The following PTPRK variants were observed in gnomAD, a reference collection of about 807,000 sequenced individuals.
PTPRK encodes the protein receptor-type tyrosine-protein phosphatase kappa.
In PTPRK, 75 loss-of-function variants were observed where a neutral mutation model predicts 178.0. That is an observed-to-expected ratio of 0.42 (90% CI 0.35 to 0.51). The LOEUF (loss-of-function observed/expected upper bound fraction) is 0.51. Ranked by LOEUF, PTPRK falls within the 20% of genes least tolerant of loss-of-function variation. The probability of loss-of-function intolerance (pLI) is 0.02; values close to 1 mark genes in which losing one functional copy is unlikely to be tolerated. For missense variants in PTPRK, 1,441 were observed against 1,797.8 expected (o/e 0.80, Z 3.59); for synonymous variants, 637 against 620.6 (o/e 1.03, Z -0.39).
chr6:128,065,097 A>T (rs1445262292), intron 12 of PTPRK, among the ~76,000 whole-genome samples: 3 of 152,190 alleles, frequency 2.0e-5, no homozygotes, highest in Non-Finnish European at 4.4e-5. Context: ...AGTGCTTCGT[A>T]AACTATCAGA....
intron 4 of PTPRK, chr6:128,241,154 A>C (rs112630679): frequency 2.1e-6 from 1 of 483,276 alleles, no homozygotes. Context: ...CTTTTCTTAG[A>C]ATTTACCAAC....
At chr6:128,124,645 GTTA>G in intron 7 of PTPRK, among the ~76,000 whole-genome samples, 1 of 152,046 alleles carries the variant, frequency 6.6e-6, no homozygotes, top group East Asian at 1.9e-4. Context: ...TTCTGGGATG[GTTA>G]TTATTTTTTT....
chr6:128,294,364 T>C (rs922549395), intron 3 of PTPRK, among the ~76,000 whole-genome samples: 2 of 152,056 alleles, frequency 1.3e-5, no homozygotes, highest in Non-Finnish European at 2.9e-5. Context: ...GAATGATGCA[T>C]AAAGGAGTCC....
intron 11 of PTPRK, among the ~76,000 whole-genome samples, chr6:128,075,378 G>A (rs112732696): frequency 4.9e-4 from 10 of 20,218 alleles, no homozygotes; most frequent in Non-Finnish European, 1.4e-3. Flanking sequence ...TTTGCTCCCT[G>A]TTTTGTCTCT....
intron 18 of PTPRK, among the ~76,000 whole-genome samples, chr6:127,994,490 G>A (rs1414874222): frequency 1.3e-5 from 2 of 151,756 alleles, no homozygotes; most frequent in Non-Finnish European, 3.0e-5. Flanking sequence ...AAGTGATGAG[G>A]TTAGTACTGT....
chr6:128,470,756 T>G (rs1459857278), intron 1 of PTPRK, among the ~76,000 whole-genome samples: 1 of 150,246 alleles, frequency 6.7e-6, no homozygotes, highest in African/African-American at 2.4e-5. Context: ...TCTCTTTTTT[T>G]TTTTTTTTTT....
At chr6:128,414,323 G>A (rs1484443855) in intron 1 of PTPRK, among the ~76,000 whole-genome samples, 1 of 152,152 alleles carries the variant, frequency 6.6e-6, no homozygotes, top group Non-Finnish European at 1.5e-5. Context: ...CAGACTCATA[G>A]TAAATGATGA....
At chr6:128,191,992 C>G (rs1304257628) in intron 6 of PTPRK, among the ~76,000 whole-genome samples, 1 of 152,026 alleles carries the variant, frequency 6.6e-6, no homozygotes, top group Non-Finnish European at 1.5e-5. Flanking sequence ...TGTGACTACA[C>G]GAATTGCTCA....
At chr6:128,223,945 T>C (rs983894745) in intron 5 of PTPRK, among the ~76,000 whole-genome samples, 3 of 152,212 alleles carry the variant, frequency 2.0e-5, no homozygotes, top group Non-Finnish European at 4.4e-5. Context: ...CAAGGCATCG[T>C]TCCAATGGGC....
At chr6:128,303,029 C>T (rs764055890) in intron 3 of PTPRK, among the ~76,000 whole-genome samples, 14 of 152,092 alleles carry the variant, frequency 9.2e-5, no homozygotes, top group Non-Finnish European at 1.6e-4. Flanking sequence ...AATGGCATCA[C>T]GATTCACTAC....
intron 3 of PTPRK, 86 bp downstream of exon 3, chr6:128,321,953 T>G: frequency 1.8e-5 from 28 of 1,556,270 alleles, no homozygotes; most frequent in Non-Finnish European, 2.2e-5. Flanking sequence ...CTCATTACCA[T>G]GAGATGCATA....
chr6:128,168,625 T>C (rs1279167295), intron 7 of PTPRK, among the ~76,000 whole-genome samples: 1 of 152,034 alleles, frequency 6.6e-6, no homozygotes, highest in Non-Finnish European at 1.5e-5. Flanking sequence ...TTGTGAACTG[T>C]GCATAATGTT....
intron 1 of PTPRK, among the ~76,000 whole-genome samples, chr6:128,450,090 C>T (rs1324572388): frequency 5.3e-5 from 8 of 150,830 alleles, no homozygotes; most frequent in South Asian, 2.1e-4. Context: ...TTCACTCCAG[C>T]CTGGGTGACA....
intron 7 of PTPRK, among the ~76,000 whole-genome samples, chr6:128,123,616 C>T (rs1419203951): frequency 4.6e-5 from 7 of 152,176 alleles, no homozygotes; most frequent in Admixed American, 4.6e-4. Flanking sequence ...TTATTACTAA[C>T]TAAACTCATT....
chr6:128,446,331 G>GACAAATGAAT (rs1421641512), intron 1 of PTPRK, among the ~76,000 whole-genome samples: 1 of 152,170 alleles, frequency 6.6e-6, no homozygotes, highest in East Asian at 1.9e-4. Context: ...TCCAAATGAA[G>GACAAATGAAT]ATAAACTGTA....
chr6:128,218,628 A>G (rs1809797821), intron 6 of PTPRK, among the ~76,000 whole-genome samples: 1 of 152,244 alleles, frequency 6.6e-6, no homozygotes, highest in Admixed American at 6.5e-5. Flanking sequence ...AAGTTAAAAT[A>G]CAAACGAGGT....
At chr6:128,385,693 C>T (rs1389446405) in intron 2 of PTPRK, among the ~76,000 whole-genome samples, 1 of 152,152 alleles carries the variant, frequency 6.6e-6, no homozygotes, top group African/African-American at 2.4e-5. Context: ...TTCTGCATTC[C>T]TCCCATGCTT....
intron 1 of PTPRK, among the ~76,000 whole-genome samples, chr6:128,424,938 C>CT (rs971499444): frequency 6.6e-6 from 1 of 151,682 alleles, no homozygotes; most frequent in Non-Finnish European, 1.5e-5. Context: ...CTTTCCTTTC[C>CT]TTTTTTTCTT....
At chr6:127,983,523 C>T (rs1444455141) in intron 22 of PTPRK, 146 bp from the exon 23 acceptor site, 3 of 746,506 alleles carry the variant, frequency 4.0e-6, no homozygotes, top group Non-Finnish European at 4.1e-6. Flanking sequence ...TGTGTAAAAG[C>T]TTATTAATGT....
Sources: gnomAD v4.1 joint callset for allele counts (sites outside exome capture counted in the v4.1 genomes callset) on GRCh38, gnomAD v4.1.1 for gene constraint, MANE v1.5 for transcripts, NCBI Gene and HGNC (gene_info 2026-07-23, HGNC 2026-07-21) for gene names.